The following DEPDC5 variants were observed in gnomAD, a reference collection of about 807,000 sequenced individuals.
The protein encoded by DEPDC5 is DEP domain containing 5, GATOR1 subcomplex subunit.
Under a neutral mutation model 217.3 loss-of-function variants are expected in DEPDC5, and 73 were observed. The observed-to-expected ratio is 0.34, with a 90% CI of 0.28 to 0.41. DEPDC5 has a LOEUF of 0.41. Ranked by LOEUF, DEPDC5 falls within the 10% of genes least tolerant of loss-of-function variation. The pLI is 1.00. For synonymous variants in DEPDC5, 733 were observed against 756.7 expected, an observed-to-expected ratio of 0.97 and a Z score of 0.51; for missense variants, 1,675 against 2,070.1, an observed-to-expected ratio of 0.81 and a Z score of 3.70.
At chr22:31,829,178 G>C (rs191552683) in intron 24 of DEPDC5, among the ~76,000 whole-genome samples, 9 of 152,308 alleles carry the variant, frequency 5.9e-5, no homozygotes, top group African/African-American at 2.2e-4. Flanking sequence ...ACCACATAGA[G>C]TCCTTGTTTT....
At chr22:31,869,385 G>A (rs1032295760) in intron 33 of DEPDC5, among the ~76,000 whole-genome samples, 1 of 151,978 alleles carries the variant, frequency 6.6e-6, no homozygotes, top group Non-Finnish European at 1.5e-5. Flanking sequence ...TAAGGGAGCA[G>A]CGTTTAAAAT....
At chr22:31,792,889 A>C (rs984431191) in intron 12 of DEPDC5, 72 bp downstream of exon 12, 1 of 1,326,280 alleles carries the variant, frequency 7.5e-7, no homozygotes, top group Middle Eastern at 2.4e-4. Context: ...AAAATAAGTC[A>C]GCCTGGGCAA....
At chr22:31,858,973 C>G (rs2092406010) in intron 32 of DEPDC5, 1 of 149,744 alleles carries the variant, frequency 6.7e-6, no homozygotes, top group African/African-American at 2.5e-5. Flanking sequence ...CAAACGTTGG[C>G]AAACCTAAAT....
chr22:31,900,983 CT>C (rs2149415005), intron 40 of DEPDC5, among the ~76,000 whole-genome samples: 1 of 152,274 alleles, frequency 6.6e-6, no homozygotes, highest in South Asian at 2.1e-4. Flanking sequence ...TGGCTCACGC[CT>C]GTAATCCCAG....
At chr22:31,799,567 C>T (rs2086637458) in intron 14 of DEPDC5, among the ~76,000 whole-genome samples, 1 of 150,424 alleles carries the variant, frequency 6.6e-6, no homozygotes, top group African/African-American at 2.4e-5. Context: ...ACTGCAACCT[C>T]CGCCTCCCAG....
At position 31,823,698 on chromosome 22, in the gene DEPDC5, T is replaced by C. The variant is rs142570345; in HGVS notation, c.2104+908T>C. Among the ~76,000 whole-genome samples the C allele has an allele frequency of 4.3e-3, 654 of 152,278 alleles. 1 individual carries two copies. Among genetic ancestry groups the C allele is most frequent in the African/African-American group, 0.013 (549 of 41,550 alleles). The stretch of plus-strand genomic sequence containing the variant: ...GGTTTTATGCTTTTTGGAAATACTT[T>C]TATATCTATTGTCTTATCACCCCAG... On this transcript the variant is annotated intron_variant, in intron 24 of 42. Coordinates refer to ENST00000651528, the MANE Select transcript of DEPDC5 (RefSeq NM_001242896.3).
intron 3 of DEPDC5, among the ~76,000 whole-genome samples, chr22:31,758,937 C>T (rs1277603736): frequency 2.0e-5 from 3 of 150,824 alleles, no homozygotes; most frequent in Non-Finnish European, 4.4e-5. Flanking sequence ...GAGTCTAGCT[C>T]TGTCACCCAG....
At chr22:31,755,368 C>G (rs995154728) in intron 2 of DEPDC5, 1 of 221,828 alleles carries the variant, frequency 4.5e-6, no homozygotes, top group Non-Finnish European at 9.1e-6. Context: ...CAGGTATGAT[C>G]AAAGCATGAA....
chr22:31,764,991 C>T lies in DEPDC5; in HGVS notation c.210C>T (p.Asp70=). The change falls in exon 5 of 43, where the codon GAC becomes GAT. Residue 70 remains aspartate (D), a synonymous_variant. Transcript: ENST00000651528. ...CTGTTTTAGAAACTATCAGTGTGGA[C>T]CAGACTGTGACTCAAGTGTTCCGGC... ...EDLQKETISV[D]QTVTQVFRLR... 6.2e-7 allele frequency: 1 copy of T among 1,613,800 alleles called. No individual in the cohort carries two copies. Among genetic ancestry groups the T allele is most frequent in the South Asian group, 1.1e-5 (1 of 91,072 alleles).
chr22:31,861,415 G>A lies in DEPDC5; in HGVS notation c.3312G>A (p.Ser1104=), dbSNP rs759169213. 7.7e-5 allele frequency: 119 copies of A among 1,551,332 alleles called. No homozygotes were observed. The African/African-American group carries it at 8.0e-4, about 10-fold the overall frequency. ...MEFVRSPRTA[S]SAFYPQVSVD... is the part of the protein sequence containing the mutation. ...TTGTCCGCAGCCCACGCACAGCATCGTCCGCCTTCTACCCTCAGGTTAGTC... is the reference window on the plus strand; with the variant it reads ...TTGTCCGCAGCCCACGCACAGCATCATCCGCCTTCTACCCTCAGGTTAGTC... The change falls in exon 33 of 43, where the codon TCG becomes TCA. Residue 1104 remains serine, a synonymous_variant. Transcript: ENST00000651528.
At chr22:31,861,499 T>TA in intron 33 of DEPDC5, 66 bp downstream of exon 33, 1 of 1,519,728 alleles carries the variant, frequency 6.6e-7, no homozygotes, top group Non-Finnish European at 8.9e-7. Flanking sequence ...GGCCTTCTGT[T>TA]AGGCTCTGAA....
At chr22:31,825,080 C>T (rs2090037408) in intron 24 of DEPDC5, among the ~76,000 whole-genome samples, 1 of 151,922 alleles carries the variant, frequency 6.6e-6, no homozygotes, top group African/African-American at 2.4e-5. Context: ...GCCTCTCAGG[C>T]TGTTTGGGGT....
At chr22:31,817,424 CA>C (rs1454534090) in intron 21 of DEPDC5, 3 of 469,952 alleles carry the variant, frequency 6.4e-6, no homozygotes, top group Non-Finnish European at 1.3e-5. Context: ...TGACATCTTT[CA>C]TATACTTGGT....
chr22:31,870,692 T>C lies in DEPDC5; in HGVS notation c.3433T>C (p.Ser1145Pro). Residue 1145 changes from serine to proline, a missense_variant, in exon 34 of 43, where the codon TCC (serine) becomes CCC (proline). Ser to Pro is a moderately conservative substitution (Grantham distance 74, BLOSUM62 -1). Around this residue, in one of 11 missense-constraint regions of DEPDC5, gnomAD observed 9 missense variants for 25.7 expected, o/e 0.35. Transcript: ENST00000651528. ...AGGCAACAGCCAGACCTTTGGGAAC[T>C]CCCAGAACATAGGAGAACAGGGCTA... ...DRGNSQTFGN[S>P]QNIGEQGYSS... 6.2e-7 allele frequency: 1 copy of C among 1,602,624 alleles called. No homozygotes were observed. The highest frequency in any genetic ancestry group is 8.5e-7 in the Non-Finnish European group (1 of 1,175,318).
chr22:31,829,502 A>T (rs897884506), intron 24 of DEPDC5, among the ~76,000 whole-genome samples: 4 of 152,146 alleles, frequency 2.6e-5, no homozygotes, highest in Admixed American at 6.5e-5. Flanking sequence ...ATTGCACTCC[A>T]GCCAGGGTGA....
At chr22:31,835,317 T>C (rs1056299232) in intron 25 of DEPDC5, among the ~76,000 whole-genome samples, 4 of 152,214 alleles carry the variant, frequency 2.6e-5, no homozygotes, top group African/African-American at 9.6e-5. Context: ...TTACCTTTGC[T>C]CATCATTGTT....
intron 24 of DEPDC5, among the ~76,000 whole-genome samples, chr22:31,830,866 G>A (rs2090548936): frequency 6.6e-6 from 1 of 151,728 alleles, no homozygotes; most frequent in African/African-American, 2.4e-5. Context: ...GATCAAATGA[G>A]CAAACTTGGC....
intron 12 of DEPDC5, 44 bp from the exon 13 acceptor site, chr22:31,797,556 A>G (rs768595048): frequency 2.0e-6 from 3 of 1,529,806 alleles, no homozygotes; most frequent in East Asian, 2.2e-5. Flanking sequence ...GAGCCAAACC[A>G]TATCAGCTGC....
At chr22:31,808,981 T>C (rs1275884645) in intron 18 of DEPDC5, among the ~76,000 whole-genome samples, 1 of 151,746 alleles carries the variant, frequency 6.6e-6, no homozygotes, top group Non-Finnish European at 1.5e-5. Context: ...TTGCTCAGGC[T>C]AGTCTCAAAC....
Sources: allele counts gnomAD v4.1 joint callset (sites outside exome capture counted in the v4.1 genomes callset), GRCh38; gene constraint gnomAD v4.1.1; regional missense constraint gnomAD v4.1.1; transcripts MANE v1.5; gene names NCBI Gene and HGNC (gene_info 2026-07-23, HGNC 2026-07-21).